The following DOP1B variants were observed in gnomAD, a reference collection of about 807,000 sequenced individuals.
The protein encoded by DOP1B is protein DOP1B.
In DOP1B, 174 loss-of-function variants were observed where a neutral mutation model predicts 233.5. The observed-to-expected ratio is 0.75, with a 90% CI of 0.66 to 0.85. The LOEUF is 0.85. DOP1B is among the 40% of genes least tolerant of loss of function. DOP1B has a pLI of 0.00. For missense variants in DOP1B, 2,652 were observed against 2,846.6 expected, an observed-to-expected ratio of 0.93 and a Z score of 1.56; for synonymous variants, 1,190 against 1,185.6, an observed-to-expected ratio of 1.00 and a Z score of -0.08.
intron 15 of DOP1B, 147 bp downstream of exon 15, chr21:36,233,222 C>G: frequency 8.7e-7 from 1 of 1,154,782 alleles, no homozygotes. Context: ...AGCCTTTGGT[C>G]TTCCTCTCCC....
At chr21:36,248,321 T>C (rs2066992483) in intron 20 of DOP1B, 59 bp from the exon 21 acceptor site, 1 of 1,576,614 alleles carries the variant, frequency 6.3e-7, no homozygotes, top group South Asian at 1.2e-5. Flanking sequence ...GCTGCCCTCG[T>C]GGGAAGAAAA....
At chr21:36,240,012 C>T in intron 18 of DOP1B, 57 bp downstream of exon 18, 5 of 1,527,064 alleles carry the variant, frequency 3.3e-6, no homozygotes, top group Non-Finnish European at 4.4e-6. Flanking sequence ...GGGACTGGAC[C>T]TCAGCAGTGA....
At chr21:36,274,332 A>G (rs2146239254) in intron 27 of DOP1B, among the ~76,000 whole-genome samples, 1 of 152,344 alleles carries the variant, frequency 6.6e-6, no homozygotes, top group African/African-American at 2.4e-5. Context: ...CAGAGTCAGC[A>G]GGATTTGCTG....
rs769147395 is a variant in DOP1B at position 36,288,800 on chromosome 21, T to C, written c.6342T>C (p.Asp2114=). 6.2e-7 allele frequency: 1 copy of C among 1,612,898 alleles called. No individual in the cohort carries two copies. Among genetic ancestry groups the C allele is most frequent in the East Asian group, 2.2e-5 (1 of 44,856 alleles). ...TQLEEDLKDE[D]ESLRSTNKVN... is the part of the protein sequence containing the mutation. ...TTGAAGAAGATCTAAAAGATGAAGATGAGTCATTGAGGTAAGCAGTACAAG... is the reference window on the plus strand; with the variant it reads ...TTGAAGAAGATCTAAAAGATGAAGACGAGTCATTGAGGTAAGCAGTACAAG... Residue 2114 remains aspartate, a synonymous_variant, in exon 34 of 37, where the codon GAT becomes GAC. Transcript: ENST00000691173.
At chr21:36,217,521 T>C (rs1037399610) in intron 9 of DOP1B, among the ~76,000 whole-genome samples, 13 of 152,218 alleles carry the variant, frequency 8.5e-5, no homozygotes, top group African/African-American at 3.1e-4. Flanking sequence ...CCCCGATGCT[T>C]GCCTGATTGC....
Position 36,260,689 on chromosome 21 carries a change from G to A in DOP1B, c.5272G>A (p.Val1758Met), listed in dbSNP as rs745588763. The part of the protein sequence containing the change: ...VKGGDEKSPL[V>M]DIPVLQFCYA... ...CTTTCATTTTCAGAAATCGCCCCTA[G>A]TGGACATTCCTGTGTTGCAGTTTTG... is the stretch of plus-strand genomic sequence containing the variant. The change falls in exon 24 of 37, where the codon GTG (valine) becomes ATG (methionine). Residue 1758 changes from valine to methionine, a missense_variant. Transcript: ENST00000691173. The A allele has an allele frequency of 2.5e-6, 4 of 1,614,058 alleles. No homozygotes were observed. The highest frequency in any genetic ancestry group is 1.1e-5 in the South Asian group (1 of 91,068).
At chr21:36,223,422 G>C (rs1347128997) in intron 11 of DOP1B, 72 bp downstream of exon 11, 2 of 1,553,558 alleles carry the variant, frequency 1.3e-6, no homozygotes, top group African/African-American at 1.4e-5. Flanking sequence ...TAGCTGCTTA[G>C]AATATCAGAT....
intron 4 of DOP1B, among the ~76,000 whole-genome samples, chr21:36,204,388 A>G (rs968399294): frequency 2.0e-5 from 3 of 152,212 alleles, no homozygotes; most frequent in African/African-American, 7.2e-5. Flanking sequence ...AGTTACCCAC[A>G]GCGTCACCAT....
chr21:36,284,700 G>A (rs901291849), intron 32 of DOP1B, among the ~76,000 whole-genome samples: 1 of 152,020 alleles, frequency 6.6e-6, no homozygotes, highest in Non-Finnish European at 1.5e-5. Flanking sequence ...TTCTGAAACA[G>A]GGGTGTGGAG....
rs1394012651 is a variant in DOP1B, at chr21:36,214,338, G to C, written c.1015-104G>C. The C allele has an allele frequency of 6.9e-5, 92 of 1,327,130 alleles. No homozygotes were observed. In the East Asian group the frequency reaches 2.2e-3, roughly 32 times the overall value. 82.2% of individuals were successfully genotyped at this position (1,327,130 alleles called of 1,614,324 possible). A position where few individuals can be genotyped will look rare whatever the true frequency, so the allele number is the denominator to read the frequency against. ...GGTATTTGTTGCATGCTGGGTGACT[G>C]GTTTTCCTTCTGTCCCAGAGTATTT... is the stretch of plus-strand genomic sequence containing the variant. On this transcript the variant is annotated intron_variant, in intron 8 of 36. Coordinates refer to ENST00000691173, the MANE Select transcript of DOP1B (RefSeq NM_001320714.2).
intron 17 of DOP1B, among the ~76,000 whole-genome samples, 168 bp from the exon 18 acceptor site, chr21:36,239,597 A>G (rs1043563442): frequency 6.6e-6 from 1 of 152,138 alleles, no homozygotes; most frequent in Non-Finnish European, 1.5e-5. Context: ...CCAACGCGAA[A>G]CCAAAGTTGA....
chr21:36,217,651 G>A (rs924614494), intron 9 of DOP1B, among the ~76,000 whole-genome samples: 1 of 152,102 alleles, frequency 6.6e-6, no homozygotes, highest in Admixed American at 6.5e-5. Context: ...GTTCTTCCAG[G>A]CTCTGCCCAT....
chr21:36,227,323 G>A (rs552660560), intron 12 of DOP1B, among the ~76,000 whole-genome samples: 1 of 151,960 alleles, frequency 6.6e-6, no homozygotes, highest in East Asian at 1.9e-4. Context: ...CAAGGTGGAT[G>A]GATCACAAAG....
In DOP1B at chr21:36,233,071, A is replaced by G. The variant is rs776569823; in HGVS notation, c.2618A>G (p.Tyr873Cys). The G allele has an allele frequency of 1.9e-6, 3 of 1,613,782 alleles. No homozygotes were observed. The highest frequency in any genetic ancestry group is 2.5e-6 in the Non-Finnish European group (3 of 1,179,906). Reference protein sequence around the residue: ...LKVIAEKTDFYQRVARVLWNQ... With the variant: ...LKVIAEKTDFCQRVARVLWNQ... ...GTCATTGCAGAGAAAACAGATTTCT[A>G]TCAGGTATTTCCCACTGGGAACACT... Residue 873 changes from tyrosine to cysteine, a missense_variant, in exon 15 of 37, where the codon TAT (tyrosine) becomes TGT (cysteine). Physicochemically the swap from Tyr to Cys is radical, Grantham distance 194. Transcript: ENST00000691173.
At position 36,164,844 on chromosome 21, in the gene DOP1B, C is replaced by T. The variant is rs2065894458; in HGVS notation, c.111C>T (p.Leu37=). ...AGTCCTCGAGTGAATGGGCGGATCT[C>T]ATATCTTCACTTGGCAAACTCAACA... ...NFESSSEWAD[L]ISSLGKLNKA... Residue 37 remains leucine (L), a synonymous_variant, in exon 2 of 37, where the codon CTC becomes CTT. Coordinates refer to ENST00000691173, the MANE Select transcript of DOP1B (RefSeq NM_001320714.2). 6.2e-7 allele frequency: 1 copy of T among 1,610,672 alleles called. No homozygotes were observed.
At chr21:36,251,672 C>T (rs1339779890) in intron 22 of DOP1B, among the ~76,000 whole-genome samples, 1 of 152,162 alleles carries the variant, frequency 6.6e-6, no homozygotes, top group South Asian at 2.1e-4. Context: ...CCACCCACCT[C>T]GGCCTCCTAA....
rs766305780 is a variant in DOP1B at position 36,211,582 on chromosome 21, C to T, written c.711C>T (p.Asp237=). The T allele has an allele frequency of 1.2e-5, 20 of 1,614,082 alleles. 1 individual carries two copies. Among genetic ancestry groups the T allele is most frequent in the Admixed American group, 1.7e-5 (1 of 60,002 alleles). ...TVKSLRASLL[D]SNVLVQRNNL... Reference sequence around the variant, plus strand: ...AGTCTTTGCGTGCCTCCCTGTTGGACTCAAATGTTCTTGTGCAAAGAAATA... The same window carrying T: ...AGTCTTTGCGTGCCTCCCTGTTGGATTCAAATGTTCTTGTGCAAAGAAATA... The change falls in exon 6 of 37, where the codon GAC becomes GAT. Residue 237 remains aspartate, a synonymous_variant. Coordinates refer to ENST00000691173, the MANE Select transcript of DOP1B (RefSeq NM_001320714.2).
Position 36,208,922 on chromosome 21 carries a change from C to T in DOP1B, c.681+18C>T. 1 of 1,494,206 alleles carries T rather than the reference C, an allele frequency of 6.7e-7. No individual in the cohort carries two copies. The highest frequency in any genetic ancestry group is 8.9e-7 in the Non-Finnish European group (1 of 1,121,580). The allele number at this position is 1,494,206 out of a possible 1,614,324, so 92.6% of individuals were successfully genotyped here. On this transcript the variant is annotated intron_variant, in intron 5 of 36. Coordinates refer to ENST00000691173, the MANE Select transcript of DOP1B (RefSeq NM_001320714.2). ...AACTCACGGTGGGTGCTGTGTTCCTCACAGGGCATGGGGAGGAGGCGACAT... is the reference window on the plus strand; with the variant it reads ...AACTCACGGTGGGTGCTGTGTTCCTTACAGGGCATGGGGAGGAGGCGACAT...
chr21:36,247,732 C>G, intron 20 of DOP1B, 104 bp downstream of exon 20: 1 of 784,110 alleles, frequency 1.3e-6, no homozygotes, highest in Non-Finnish European at 2.0e-6. Flanking sequence ...ATGTCTGTAA[C>G]TAATATGCGT....
Sources: gnomAD v4.1 joint callset for allele counts (sites outside exome capture counted in the v4.1 genomes callset) on GRCh38, gnomAD v4.1.1 for gene constraint, MANE v1.5 for transcripts, NCBI Gene and HGNC (gene_info 2026-07-23, HGNC 2026-07-21) for gene names.